The following TTC6 variants were observed in gnomAD, a reference collection of about 807,000 sequenced individuals.
The protein encoded by TTC6 is tetratricopeptide repeat protein 6.
TTC6 carries 172 observed loss-of-function variants against 210.4 expected under a neutral mutation model. That is an observed-to-expected ratio of 0.82 (90% CI 0.72 to 0.93). The LOEUF (loss-of-function observed/expected upper bound fraction) is 0.93, where lower values mean the gene tolerates loss of function less well. TTC6 is among the 40% of genes least tolerant of loss of function. The probability of loss-of-function intolerance (pLI) is 0.00; values close to 1 mark genes in which losing one functional copy is unlikely to be tolerated. For missense variants in TTC6, 2,414 were observed against 2,318.1 expected, an observed-to-expected ratio of 1.04 and a Z score of -0.85; for synonymous variants, 804 against 819.6, an observed-to-expected ratio of 0.98 and a Z score of 0.32.
chr14:37,822,951 T>G (rs1173373317), intron 26 of TTC6, among the ~76,000 whole-genome samples: 1 of 152,248 alleles, frequency 6.6e-6, no homozygotes, highest in African/African-American at 2.4e-5. Context: ...GTTAAGTATT[T>G]AGCACAGTAC....
chr14:37,679,688 A>T (rs1423630906), intron 1 of TTC6, among the ~76,000 whole-genome samples: 2 of 151,932 alleles, frequency 1.3e-5, no homozygotes, highest in African/African-American at 2.4e-5. Context: ...AAAAAAATTT[A>T]TATTTATTTA....
intron 5 of TTC6, among the ~76,000 whole-genome samples, chr14:37,707,367 ATTTC>A (rs1356177076): frequency 2.0e-5 from 3 of 151,810 alleles, no homozygotes; most frequent in Admixed American, 6.6e-5. Flanking sequence ...TATTTTGTGC[ATTTC>A]TTCAGGAATA....
chr14:37,626,778 A>G (rs1013623205), intron 1 of TTC6, among the ~76,000 whole-genome samples: 4 of 152,200 alleles, frequency 2.6e-5, no homozygotes, highest in Non-Finnish European at 5.9e-5. Context: ...TCTTTAGCCA[A>G]AGGATCAGGA....
At chr14:37,619,327 C>G (rs970895123), upstream of TTC6, among the ~76,000 whole-genome samples, 3 of 152,072 alleles carry the variant, frequency 2.0e-5, no homozygotes, top group African/African-American at 7.2e-5. Flanking sequence ...CGCAATACGA[C>G]TATATTTGGG....
chr14:37,670,474 CTTT>C lies in TTC6; in HGVS notation c.940-9658_940-9656del, dbSNP rs66725764. ...TAAGGATCTAGCACAAACTACCTCA[CTTT>C]TTTTTTTTTTTTTTTTTTAGTCTCC... On this transcript the variant is annotated intron_variant, in intron 1 of 30. Transcript: ENST00000553443. 5.8e-5 allele frequency among the ~76,000 whole-genome samples: 7 copies of C among 121,320 alleles called. 1 individual carries two copies. In the South Asian group the frequency reaches 1.4e-3, roughly 25 times the overall value. 79.6% of individuals were successfully genotyped at this position (121,320 alleles called of 152,430 possible).
chr14:37,801,170 A>G (rs1172711856), intron 20 of TTC6, among the ~76,000 whole-genome samples: 3 of 152,196 alleles, frequency 2.0e-5, no homozygotes, highest in African/African-American at 4.8e-5. Flanking sequence ...TTGGGGACAG[A>G]TAACTTGTCT....
At chr14:37,795,398 G>A in intron 18 of TTC6, 46 bp downstream of exon 20, 1 of 1,320,786 alleles carries the variant, frequency 7.6e-7, no homozygotes, top group Non-Finnish European at 1.0e-6. Flanking sequence ...CTTAGCATCA[G>A]AGAAATTGAA....
intron 10 of TTC6, among the ~76,000 whole-genome samples, chr14:37,741,948 C>G: frequency 6.6e-6 from 1 of 152,208 alleles, no homozygotes; most frequent in Admixed American, 6.5e-5. Context: ...GACAGAGCAG[C>G]CTGAGGGTGT....
Position 37,776,143 on chromosome 14 carries a change from C to T in TTC6, c.3267-11325C>T, listed in dbSNP as rs375911405. 2.1e-4 allele frequency among the ~76,000 whole-genome samples: 5 copies of T among 23,834 alleles called. 2 individuals are homozygous for T. The highest frequency in any genetic ancestry group is 5.4e-4 in the Admixed American group (1 of 1,868). 15.6% of individuals were successfully genotyped at this position (23,834 alleles called of 152,430 possible). A position where few individuals can be genotyped will look rare whatever the true frequency, so the allele number is the denominator to read the frequency against. On this transcript the variant is annotated intron_variant, in intron 14 of 30. Transcript: ENST00000553443. ...TCGGCTCACTGCAAGCTCCGATTCCCGGGTTCACGCCATTCTCCTGCCTCA... is the reference window on the plus strand; with the variant it reads ...TCGGCTCACTGCAAGCTCCGATTCCTGGGTTCACGCCATTCTCCTGCCTCA...
chr14:37,654,938 T>C (rs1348944530), intron 1 of TTC6, among the ~76,000 whole-genome samples: 2 of 152,020 alleles, frequency 1.3e-5, no homozygotes, highest in Admixed American at 1.3e-4. Flanking sequence ...TATCTGAAGA[T>C]TATACTTTCC....
At chr14:37,826,489 T>A (rs2096172027) in intron 28 of TTC6, 142 bp downstream of exon 30, 1 of 787,064 alleles carries the variant, frequency 1.3e-6, no homozygotes, top group African/African-American at 1.8e-5. Flanking sequence ...ACCCAAGTGA[T>A]CCCTAGGGTA....
At chr14:37,725,357 T>A (rs1265116918) in intron 7 of TTC6, among the ~76,000 whole-genome samples, 35 of 129,432 alleles carry the variant, frequency 2.7e-4, no homozygotes, top group South Asian at 2.4e-3. Context: ...TATATATATA[T>A]AATTTTTTTT....
At chr14:37,692,227 A>AAG (rs1555387762) in intron 3 of TTC6, among the ~76,000 whole-genome samples, 4 of 147,816 alleles carry the variant, frequency 2.7e-5, no homozygotes, top group African/African-American at 9.9e-5. Context: ...AAAAAAAAAA[A>AAG]AAAAAGAAAA....
At chr14:37,826,486 T>G in intron 28 of TTC6, 139 bp downstream of exon 30, 3 of 807,634 alleles carry the variant, frequency 3.7e-6, no homozygotes, top group Non-Finnish European at 5.3e-6. Flanking sequence ...TTAACCCAAG[T>G]GATCCCTAGG....
chr14:37,795,462 T>C, intron 18 of TTC6, 110 bp downstream of exon 20: 1 of 610,760 alleles, frequency 1.6e-6, no homozygotes, highest in Non-Finnish European at 2.5e-6. Context: ...TTACATTTAA[T>C]CTCCCAGCAA....
At position 37,696,178 on chromosome 14, in the gene TTC6, T is replaced by C. The variant is rs544029893; in HGVS notation, c.1258-539T>C. On this transcript the variant is annotated intron_variant, in intron 3 of 30. Transcript: ENST00000553443. ...CTTTTATCTGGCTACCTTCTACTTA[T>C]TCAACCATAGCTTTTCCCAAGGAGG... Among the ~76,000 whole-genome samples, 5 of 152,296 alleles carry C rather than the reference T, an allele frequency of 3.3e-5. No individual in the cohort carries two copies. In the South Asian group the frequency reaches 1.0e-3, roughly 32 times the overall value.
At chr14:37,710,996 G>C (rs1222742367) in intron 5 of TTC6, among the ~76,000 whole-genome samples, 1 of 152,136 alleles carries the variant, frequency 6.6e-6, no homozygotes, top group African/African-American at 2.4e-5. Flanking sequence ...CTATAACACA[G>C]ATAGCTAGGC....
intron 30 of TTC6, 40 bp from the exon 33 acceptor site, chr14:37,842,115 G>GTGCCAACTT: frequency 6.9e-7 from 1 of 1,441,990 alleles, no homozygotes; most frequent in Middle Eastern, 2.1e-4. Context: ...TATTTTTTGA[G>GTGCCAACTT]TGCCAACTTA....
intron 1 of TTC6, among the ~76,000 whole-genome samples, chr14:37,668,921 T>C (rs1298059777): frequency 6.6e-6 from 1 of 152,174 alleles, no homozygotes; most frequent in Non-Finnish European, 1.5e-5. Flanking sequence ...CTCTTGCTTC[T>C]TGGTTCTGTG....
Sources: allele counts gnomAD v4.1 joint callset (sites outside exome capture counted in the v4.1 genomes callset), GRCh38; gene constraint gnomAD v4.1.1; transcripts MANE v1.5; gene names NCBI Gene and HGNC (gene_info 2026-07-23, HGNC 2026-07-21).